Variants in FALEC observed in about 807,000 individuals in gnomAD.
The protein encoded by FALEC is focally amplified lncRNA regulator of ECM1.
At chr1:150,528,170 G>C in the FALEC span, among the ~76,000 whole-genome samples, 1 of 152,126 alleles carries the variant, frequency 6.6e-6, no homozygotes, top group Non-Finnish European at 1.5e-5. Flanking sequence ...TTATAAAAGA[G>C]AGCTGTTGAG....
chr1:150,523,185 G>T, the FALEC span, among the ~76,000 whole-genome samples: 3 of 144,356 alleles, frequency 2.1e-5, no homozygotes, highest in Middle Eastern at 3.2e-3. Context: ...TAGAGATGGG[G>T]TTTTGCATTG....
exon 1 of FALEC, chr1:150,515,876 C>T (rs1670561611): frequency 6.6e-6 from 1 of 152,338 alleles, no homozygotes; most frequent in African/African-American, 2.4e-5. Flanking sequence ...TCGCCCCAGC[C>T]CACGGGGAGC....
chr1:150,528,529 C>T, the FALEC span, among the ~76,000 whole-genome samples: 4 of 152,012 alleles, frequency 2.6e-5, no homozygotes, highest in Admixed American at 2.0e-4. Context: ...TTCTGTAACA[C>T]TCCCCACTGT....
downstream of FALEC, among the ~76,000 whole-genome samples, chr1:150,519,826 T>C (rs1387113214): frequency 1.3e-5 from 2 of 151,036 alleles, no homozygotes; most frequent in Admixed American, 1.3e-4. Flanking sequence ...AGATTGTGCC[T>C]GGGCAACAAG....
At chr1:150,520,498 A>C (rs916966411), downstream of FALEC, among the ~76,000 whole-genome samples, 5 of 152,202 alleles carry the variant, frequency 3.3e-5, no homozygotes, top group Admixed American at 2.6e-4. Flanking sequence ...TCAGAACTTC[A>C]TTCCCTTTTA....
At chr1:150,529,372 G>A in the FALEC span, among the ~76,000 whole-genome samples, 4 of 152,360 alleles carry the variant, frequency 2.6e-5, no homozygotes, top group East Asian at 7.7e-4. Context: ...CCCAAAATGG[G>A]GGCTTGGTGG....
chr1:150,521,029 G>A (rs796744297), downstream of FALEC, among the ~76,000 whole-genome samples: 14 of 151,976 alleles, frequency 9.2e-5, no homozygotes, highest in African/African-American at 3.4e-4. Flanking sequence ...TCGAACTCCC[G>A]ACCTCAGGTG....
At chr1:150,535,892 A>C in the FALEC span, among the ~76,000 whole-genome samples, 1 of 152,228 alleles carries the variant, frequency 6.6e-6, no homozygotes, top group East Asian at 1.9e-4. Context: ...GGCTTAGAGC[A>C]CATAGCAAGG....
At chr1:150,521,537 C>G (rs1380547065), downstream of FALEC, among the ~76,000 whole-genome samples, 1 of 152,180 alleles carries the variant, frequency 6.6e-6, no homozygotes, top group Non-Finnish European at 1.5e-5. Context: ...GCTCAAGTCC[C>G]TTGCCTATCT....
chr1:150,533,820 G>A, the FALEC span, among the ~76,000 whole-genome samples: 1 of 152,146 alleles, frequency 6.6e-6, no homozygotes, highest in Non-Finnish European at 1.5e-5. Flanking sequence ...GACCAAAAAA[G>A]ATAGAAAAAG....
At chr1:150,526,562 C>T in the FALEC span, among the ~76,000 whole-genome samples, 4 of 94,834 alleles carry the variant, frequency 4.2e-5, no homozygotes, top group African/African-American at 1.2e-4. Context: ...CTCAGCCTCC[C>T]GAGTAGCAGG....
chr1:150,534,175 C>G, the FALEC span, among the ~76,000 whole-genome samples: 1 of 152,184 alleles, frequency 6.6e-6, no homozygotes, highest in Non-Finnish European at 1.5e-5. Flanking sequence ...TGCCTCAACT[C>G]TGAGGAGCTG....
At chr1:150,526,166 C>T in the FALEC span, among the ~76,000 whole-genome samples, 69 of 151,524 alleles carry the variant, frequency 4.6e-4, no homozygotes, top group Middle Eastern at 3.4e-3. Flanking sequence ...ATCAAGACCA[C>T]GGTGAAACCC....
chr1:150,516,851 C>T (rs970416646), intron 1 of FALEC, among the ~76,000 whole-genome samples: 1 of 152,152 alleles, frequency 6.6e-6, no homozygotes, highest in Non-Finnish European at 1.5e-5. Context: ...CTGGCTATAA[C>T]GAAGACTACA....
chr1:150,529,015 G>GAAAAAAAAAAA, the FALEC span, among the ~76,000 whole-genome samples: 6 of 5,954 alleles, frequency 1.0e-3, no homozygotes, highest in African/African-American at 2.7e-3. Context: ...TAAATAAATA[G>GAAAAAAAAAAA]CAAAAAAAAA....
downstream of FALEC, among the ~76,000 whole-genome samples, chr1:150,522,856 T>TATATATATACAC (rs1553907906): frequency 3.4e-5 from 4 of 116,852 alleles, no homozygotes; most frequent in African/African-American, 1.3e-4. Flanking sequence ...TCTCTCTATA[T>TATATATATACAC]ATATATATAC....
chr1:150,535,693 GC>G, the FALEC span, among the ~76,000 whole-genome samples: 529 of 152,228 alleles, frequency 3.5e-3, 2 homozygotes, highest in Non-Finnish European at 5.7e-3. Flanking sequence ...ATGGTCCATG[GC>G]CCCCTCCACA....
chr1:150,520,783 C>CTTTTTTTTTTTTTTTT (rs71086518), downstream of FALEC, among the ~76,000 whole-genome samples: 229 of 42,830 alleles, frequency 5.3e-3, 21 homozygotes, highest in East Asian at 6.9e-3. Flanking sequence ...CTTTTCTTTT[C>CTTTTTTTTTTTTTTTT]TTTTTTTTTT....
chr1:150,534,398 C>A, the FALEC span, among the ~76,000 whole-genome samples: 1 of 152,210 alleles, frequency 6.6e-6, no homozygotes, highest in African/African-American at 2.4e-5. Context: ...TGGCTGGCCC[C>A]AACAGGATCG....
Sources: allele counts gnomAD v4.1 joint callset (sites outside exome capture counted in the v4.1 genomes callset), GRCh38; gene constraint gnomAD v4.1.1; transcripts MANE v1.5; gene names NCBI Gene and HGNC (gene_info 2026-07-23, HGNC 2026-07-21).